PDE3A: variants seen among roughly 807,000 people sequenced by gnomAD.
PDE3A encodes the protein phosphodiesterase 3A.
A neutral mutation model predicts 98.3 loss-of-function variants in PDE3A; 43 were observed. That is an observed-to-expected ratio of 0.44 (90% CI 0.34 to 0.56). The LOEUF is 0.56. PDE3A is among the 20% of genes least tolerant of loss of function. The pLI, the probability that PDE3A is intolerant of heterozygous loss-of-function variation, is 0.01. For synonymous variants in PDE3A, 663 were observed against 567.9 expected, an observed-to-expected ratio of 1.17 and a Z score of -2.38; for missense variants, 1,427 against 1,440.7, an observed-to-expected ratio of 0.99 and a Z score of 0.15.
intron 15 of PDE3A, among the ~76,000 whole-genome samples, chr12:20,679,002 A>G (rs1003700145): frequency 9.2e-5 from 14 of 152,182 alleles, no homozygotes; most frequent in African/African-American, 3.1e-4. Flanking sequence ...CAGAAACAGT[A>G]TATACTCTAG....
intron 1 of PDE3A, among the ~76,000 whole-genome samples, chr12:20,506,379 T>G (rs2121100350): frequency 6.6e-6 from 1 of 152,118 alleles, no homozygotes; most frequent in South Asian, 2.1e-4. Context: ...TCTGTATAAT[T>G]TTGAAATTTT....
Position 20,463,212 on chromosome 12 carries a change from G to T in PDE3A, c.960+92968G>T, listed in dbSNP as rs533779405. Among the ~76,000 whole-genome samples the T allele has an allele frequency of 3.9e-5, 6 of 152,210 alleles. No homozygotes were observed. The South Asian group carries it at 1.2e-3, about 32-fold the overall frequency. On this transcript the variant is annotated intron_variant, in intron 1 of 15. Coordinates refer to ENST00000359062, the MANE Select transcript of PDE3A (RefSeq NM_000921.5). ...AGAATAAACATGAAAATAACTTACA[G>T]ATATTTTTAAGTTCCAGGTATCAAA... is the stretch of plus-strand genomic sequence containing the variant.
intron 1 of PDE3A, among the ~76,000 whole-genome samples, chr12:20,497,536 A>G (rs1468045317): frequency 6.6e-6 from 1 of 151,748 alleles, no homozygotes; most frequent in Non-Finnish European, 1.5e-5. Flanking sequence ...CCCTAAAAAA[A>G]AAAACAGGAT....
At chr12:20,447,991 A>G (rs1944987363) in intron 1 of PDE3A, among the ~76,000 whole-genome samples, 1 of 152,188 alleles carries the variant, frequency 6.6e-6, no homozygotes, top group African/African-American at 2.4e-5. Context: ...GATGTGTGAG[A>G]GTAGGAGAAA....
At chr12:20,599,241 C>G (rs569503602) in intron 2 of PDE3A, among the ~76,000 whole-genome samples, 1 of 152,074 alleles carries the variant, frequency 6.6e-6, no homozygotes, top group Non-Finnish European at 1.5e-5. Context: ...CTCTCTAGAC[C>G]TGTTCTTTCA....
chr12:20,484,782 T>TAA (rs1425736148), intron 1 of PDE3A, among the ~76,000 whole-genome samples: 2 of 152,190 alleles, frequency 1.3e-5, no homozygotes, highest in Non-Finnish European at 2.9e-5. Flanking sequence ...ACATAACTAA[T>TAA]AATGGTCATT....
chr12:20,640,013 G>T, intron 10 of PDE3A, 56 bp downstream of exon 10: 1 of 809,018 alleles, frequency 1.2e-6, no homozygotes, highest in Admixed American at 1.8e-5. Flanking sequence ...ATTTGCTGTG[G>T]GTAAATGGGA....
intron 15 of PDE3A, among the ~76,000 whole-genome samples, chr12:20,673,709 GA>G (rs1945554270): frequency 8.7e-6 from 1 of 114,836 alleles, no homozygotes; most frequent in Non-Finnish European, 1.7e-5. Flanking sequence ...GGGGTGGGGG[GA>G]GGGGGGAGGG....
intron 1 of PDE3A, among the ~76,000 whole-genome samples, chr12:20,520,429 G>C (rs73075154): frequency 0.21 from 31,483 of 152,042 alleles, 3,932 homozygotes; most frequent in East Asian, 0.52. Flanking sequence ...CTTAGAAGTG[G>C]TTGAGTTCCA....
In PDE3A at chr12:20,630,091, C is replaced by A; in HGVS notation, c.1724C>A (p.Ser575Tyr). ...TACACTCAGAGTGCCCCAGACCTAT[C>A]CCCTCAAATCCTGACTCCACCTGTT... Reference protein sequence around the residue: ...LTYTQSAPDLSPQILTPPVIC... With the variant: ...LTYTQSAPDLYPQILTPPVIC... Residue 575 changes from serine (S) to tyrosine (Y), a missense_variant, in exon 6 of 16, where the codon TCC becomes TAC. By Grantham distance (144) the Ser-to-Tyr change is moderately radical. Transcript: ENST00000359062. The A allele has an allele frequency of 6.2e-6, 10 of 1,613,426 alleles. No individual in the cohort carries two copies. Among genetic ancestry groups the A allele is most frequent in the Non-Finnish European group, 8.5e-6 (10 of 1,179,426 alleles).
chr12:20,645,756 C>A (rs1184609502), intron 10 of PDE3A, among the ~76,000 whole-genome samples: 1 of 152,002 alleles, frequency 6.6e-6, no homozygotes, highest in African/African-American at 2.4e-5. Flanking sequence ...GCATTATGAC[C>A]AGATGGCATT....
rs140759925 is a variant in PDE3A, at chr12:20,369,190, C to CGTGTGT, written c.-79_-74dup. ...GGTGGAATTGGGAAGAGCGTGCGTG[C>CGTGTGT]GTGTGTGTGTGTGTGTGTGTGCGCG... On this transcript the variant is annotated 5_prime_UTR_variant, in exon 1 of 16. Coordinates refer to ENST00000359062, the MANE Select transcript of PDE3A (RefSeq NM_000921.5). The CGTGTGT allele has an allele frequency of 2.3e-4, 151 of 653,678 alleles. 1 individual carries two copies. The East Asian group carries it at 3.2e-3, about 14-fold the overall frequency. 40.5% of individuals were successfully genotyped at this position (653,678 alleles called of 1,614,324 possible).
chr12:20,481,634 G>A (rs1441800441), intron 1 of PDE3A, among the ~76,000 whole-genome samples: 2 of 151,998 alleles, frequency 1.3e-5, no homozygotes, highest in African/African-American at 4.8e-5. Context: ...TAATATTTAT[G>A]TATTTTTAAG....
chr12:20,537,763 T>A (rs899824104), intron 1 of PDE3A, among the ~76,000 whole-genome samples: 5 of 152,062 alleles, frequency 3.3e-5, no homozygotes, highest in African/African-American at 1.2e-4. Context: ...AAACCCAAGT[T>A]CTGTAATATA....
At position 20,552,187 on chromosome 12, in the gene PDE3A, G is replaced by C; in HGVS notation, c.961-4473G>C. On this transcript the variant is annotated intron_variant, in intron 1 of 15. Coordinates refer to ENST00000359062, the MANE Select transcript of PDE3A (RefSeq NM_000921.5). The surrounding 1 kb of genome is among the most constrained non-coding windows in gnomAD (Gnocchi z 5.1). ...CTGCTTTGCTCCCATCAATGACCAA[G>C]AAGGGGCCGAGGCCAAGGACTGGCG... 1 of 1,613,894 alleles carries C rather than the reference G, an allele frequency of 6.2e-7. No individual in the cohort carries two copies. The highest frequency in any genetic ancestry group is 8.5e-7 in the Non-Finnish European group (1 of 1,179,904).
intron 2 of PDE3A, among the ~76,000 whole-genome samples, chr12:20,601,187 G>A (rs1452337184): frequency 6.6e-6 from 1 of 152,126 alleles, no homozygotes; most frequent in Non-Finnish European, 1.5e-5. Context: ...TGTAAGATCT[G>A]GTCAGAGATG....
At position 20,415,832 on chromosome 12, in the gene PDE3A, G is replaced by T. The variant is rs182115326; in HGVS notation, c.960+45588G>T. ...TGTGAATGAAGCTCATGGGATATTA[G>T]AATTGGAGACAGAAACAGAGAGGCA... On this transcript the variant is annotated intron_variant, in intron 1 of 15. Transcript: ENST00000359062. Among the ~76,000 whole-genome samples the T allele has an allele frequency of 1.2e-3, 189 of 152,300 alleles. 2 individuals carry two copies. Among genetic ancestry groups the T allele is most frequent in the African/African-American group, 4.5e-3 (188 of 41,570 alleles).
At position 20,535,641 on chromosome 12, in the gene PDE3A, G is replaced by T. The variant is rs530870893; in HGVS notation, c.961-21019G>T. Among the ~76,000 whole-genome samples the T allele has an allele frequency of 6.6e-5, 10 of 152,178 alleles. No homozygotes were observed. In the East Asian group the frequency reaches 1.9e-3, roughly 29 times the overall value. ...ACCACTAATAAAAAAAATGTTTTGT[G>T]TGCTTACATTTTGTTTTGATATGCT... On this transcript the variant is annotated intron_variant, in intron 1 of 15. Transcript: ENST00000359062.
chr12:20,576,114 C>T (rs907321147), intron 2 of PDE3A, among the ~76,000 whole-genome samples: 7 of 151,836 alleles, frequency 4.6e-5, no homozygotes, highest in African/African-American at 1.7e-4. Context: ...GGTATCCATC[C>T]CCTCAAGCAT....
Sources: allele counts gnomAD v4.1 joint callset (sites outside exome capture counted in the v4.1 genomes callset), GRCh38; gene constraint gnomAD v4.1.1; non-coding constraint Gnocchi (gnomAD v3.1); transcripts MANE v1.5; gene names NCBI Gene and HGNC (gene_info 2026-07-23, HGNC 2026-07-21).